Variants in IGSF21 observed in about 807,000 individuals in gnomAD.
IGSF21 encodes the protein immunoglobin superfamily member 21.
Under a neutral mutation model 46.8 loss-of-function variants are expected in IGSF21, and 28 were observed. The ratio of observed to expected loss-of-function variants is 0.60; its 90% CI spans 0.44 to 0.82. IGSF21 has a LOEUF of 0.82. IGSF21 is among the 40% of genes least tolerant of loss of function. The pLI, the probability that IGSF21 is intolerant of heterozygous loss-of-function variation, is 0.00. For synonymous variants in IGSF21, 284 were observed against 273.6 expected (o/e 1.04, Z -0.38); for missense variants, 624 against 665.5 (o/e 0.94, Z 0.69).
rs138824617 is a variant in IGSF21, at chr1:18,362,253, G to T, written c.540+23G>T. 6 of 1,539,132 alleles carry T rather than the reference G, an allele frequency of 3.9e-6. No individual in the cohort carries two copies. In the African/African-American group the frequency reaches 5.4e-5, roughly 14 times the overall value. On this transcript the variant is annotated intron_variant, in intron 5 of 9. Transcript: ENST00000251296. ...ATGGTGAGTACCCCTGGAGTGCCCAGCTCCTTCCTATCTGCCGGACCACCC... is the reference window on the plus strand; with the variant it reads ...ATGGTGAGTACCCCTGGAGTGCCCATCTCCTTCCTATCTGCCGGACCACCC...
chr1:18,170,670 A>G (rs895049531), intron 1 of IGSF21, among the ~76,000 whole-genome samples: 4 of 151,952 alleles, frequency 2.6e-5, no homozygotes, highest in African/African-American at 9.7e-5. Context: ...CACAGCAGCA[A>G]TTGTCAGAGC....
Position 18,298,287 on chromosome 1 carries a change from GACAAAGCCGTCC to G in IGSF21, c.305+6304_305+6315del, listed in dbSNP as rs371208278. 2.7e-3 allele frequency among the ~76,000 whole-genome samples: 405 copies of G among 152,280 alleles called. 3 individuals are homozygous for G. Among genetic ancestry groups the G allele is most frequent in the Middle Eastern group, 0.01 (3 of 294 alleles). On this transcript the variant is annotated intron_variant, in intron 3 of 9. Coordinates refer to ENST00000251296, the MANE Select transcript of IGSF21 (RefSeq NM_032880.5). ...TGGGTTGGAAGTGCCAGGGAACGAA[GACAAAGCCGTCC>G]ACAGAGGAGCCTGGAATCTGACTTC...
chr1:18,365,183 A>G lies in IGSF21; in HGVS notation c.541-40A>G, dbSNP rs760700649. On this transcript the variant is annotated intron_variant, in intron 5 of 9. Coordinates refer to ENST00000251296, the MANE Select transcript of IGSF21 (RefSeq NM_032880.5). This position sits in a 1 kb window ranked among gnomAD's most constrained non-coding sequence, Gnocchi z 4.8. ...AACCCACTGGGAGGTTGAAGTTAGT[A>G]GCACAAAATCATTTTCCCACACCCT... The G allele has an allele frequency of 2.7e-6, 4 of 1,498,498 alleles. No homozygotes were observed. Among genetic ancestry groups the G allele is most frequent in the Admixed American group, 3.7e-5 (2 of 54,432 alleles). 92.8% of individuals were successfully genotyped at this position (1,498,498 alleles called of 1,614,324 possible). A position where few individuals can be genotyped will look rare whatever the true frequency, so the allele number is the denominator to read the frequency against.
intron 2 of IGSF21, among the ~76,000 whole-genome samples, chr1:18,273,677 GA>G (rs1167829420): frequency 7.1e-6 from 1 of 140,530 alleles, no homozygotes; most frequent in East Asian, 1.9e-4. Context: ...GCCAGGTAAA[GA>G]TTTTTTTTTT....
chr1:18,111,819 G>C (rs1195147664), intron 1 of IGSF21: 1 of 152,230 alleles, frequency 6.6e-6, no homozygotes, highest in Non-Finnish European at 1.5e-5. Context: ...CTCCCTCCTA[G>C]TTCTGCCCCA....
At chr1:18,156,857 A>T (rs2086573947) in intron 1 of IGSF21, among the ~76,000 whole-genome samples, 1 of 152,194 alleles carries the variant, frequency 6.6e-6, no homozygotes, top group Non-Finnish European at 1.5e-5. Flanking sequence ...CCCGTCAAAA[A>T]GACATTCAGA....
intron 2 of IGSF21, among the ~76,000 whole-genome samples, chr1:18,236,028 G>A (rs2084669846): frequency 6.6e-6 from 1 of 152,132 alleles, no homozygotes; most frequent in Non-Finnish European, 1.5e-5. Context: ...CCCTGCTTTG[G>A]GGCTTCGGCT....
rs189817227 is a variant in IGSF21 at position 18,184,342 on chromosome 1, C to G, written c.71-43556C>G. On this transcript the variant is annotated intron_variant, in intron 1 of 9. Coordinates refer to ENST00000251296, the MANE Select transcript of IGSF21 (RefSeq NM_032880.5). ...GCTGGGCCAAACCACCCTCCCTTCT[C>G]CCCCTCCCCAGGGCCTCCACTCTCT... Among the ~76,000 whole-genome samples, 575 of 152,288 alleles carry G rather than the reference C, an allele frequency of 3.8e-3. 1 individual carries two copies. Among genetic ancestry groups the G allele is most frequent in the Admixed American group, 8.6e-3 (131 of 15,304 alleles).
intron 2 of IGSF21, among the ~76,000 whole-genome samples, chr1:18,288,778 C>T (rs922212614): frequency 1.3e-5 from 2 of 152,202 alleles, no homozygotes; most frequent in Non-Finnish European, 2.9e-5. Context: ...GTACCACAGA[C>T]AGCTGGGACA....
intron 5 of IGSF21, among the ~76,000 whole-genome samples, chr1:18,362,768 G>A (rs1361002473): frequency 2.0e-5 from 3 of 152,132 alleles, no homozygotes; most frequent in Non-Finnish European, 2.9e-5. Flanking sequence ...ATTCCTTTTT[G>A]ACCAACTTAT....
intron 1 of IGSF21, among the ~76,000 whole-genome samples, chr1:18,218,391 G>A (rs1200319256): frequency 1.3e-5 from 2 of 152,182 alleles, no homozygotes; most frequent in African/African-American, 4.8e-5. Context: ...TGAGATTTGG[G>A]TGGAGACCAC....
At chr1:18,327,538 G>A (rs866649265) in intron 3 of IGSF21, among the ~76,000 whole-genome samples, 5 of 152,172 alleles carry the variant, frequency 3.3e-5, no homozygotes, top group Admixed American at 6.5e-5. Context: ...GTGTAGCCAC[G>A]AAATGCGATG....
chr1:18,377,311 A>G (rs2086293017), intron 8 of IGSF21, 82 bp from the exon 9 acceptor site: 2 of 1,209,148 alleles, frequency 1.7e-6, no homozygotes, highest in Non-Finnish European at 2.5e-6. Context: ...ACCTCACAGC[A>G]GGTGCTGGGT....
intron 2 of IGSF21, among the ~76,000 whole-genome samples, chr1:18,282,587 G>A (rs1335306708): frequency 6.6e-6 from 1 of 150,560 alleles, no homozygotes; most frequent in Non-Finnish European, 1.5e-5. Context: ...CATGGGAAAT[G>A]GCAAGGGAGA....
At chr1:18,374,084 C>T (rs1227833177) in intron 6 of IGSF21, among the ~76,000 whole-genome samples, 2 of 152,192 alleles carry the variant, frequency 1.3e-5, no homozygotes, top group Non-Finnish European at 2.9e-5. Context: ...CTTCAGCGCC[C>T]TCTCCTGGCT....
chr1:18,313,621 T>C (rs1208983788), intron 3 of IGSF21, among the ~76,000 whole-genome samples: 1 of 152,196 alleles, frequency 6.6e-6, no homozygotes, highest in African/African-American at 2.4e-5. Flanking sequence ...GATATTGTGC[T>C]GGGCTCCAGG....
At chr1:18,134,876 C>A (rs139558171) in intron 1 of IGSF21, among the ~76,000 whole-genome samples, 1 of 152,252 alleles carries the variant, frequency 6.6e-6, no homozygotes, top group Non-Finnish European at 1.5e-5. Flanking sequence ...TAGGGTTCCA[C>A]AGCCATGCCT....
chr1:18,362,721 C>T (rs1020814609), intron 5 of IGSF21, among the ~76,000 whole-genome samples: 5 of 151,994 alleles, frequency 3.3e-5, no homozygotes, highest in African/African-American at 1.2e-4. Context: ...GATGGAAGGG[C>T]GAGAAGGAAG....
intron 1 of IGSF21, among the ~76,000 whole-genome samples, chr1:18,142,399 C>T (rs1004503972): frequency 9.2e-5 from 14 of 152,178 alleles, no homozygotes; most frequent in African/African-American, 2.2e-4. Context: ...TGGCTTGTTC[C>T]GCCTTTGCCA....
Sources: gnomAD v4.1 joint callset for allele counts (sites outside exome capture counted in the v4.1 genomes callset) on GRCh38, gnomAD v4.1.1 for gene constraint, Gnocchi (gnomAD v3.1) non-coding constraint, MANE v1.5 for transcripts, NCBI Gene and HGNC (gene_info 2026-07-23, HGNC 2026-07-21) for gene names.